Variants in STAG3 observed in about 807,000 individuals in gnomAD.
STAG3 encodes the protein STAG3 cohesin complex component.
STAG3 carries 101 observed loss-of-function variants against 160.7 expected under a neutral mutation model. The observed-to-expected ratio is 0.63, with a 90% CI of 0.54 to 0.74. STAG3 has a LOEUF of 0.74. Ranked by LOEUF, STAG3 falls within the 30% of genes least tolerant of loss-of-function variation. STAG3 has a pLI of 0.00. For missense variants in STAG3, 1,188 were observed against 1,517.4 expected (o/e 0.78, Z 3.61); for synonymous variants, 519 against 585.0 (o/e 0.89, Z 1.63).
downstream of STAG3, among the ~76,000 whole-genome samples, chr7:100,216,165 C>T (rs1399658443): frequency 6.6e-6 from 1 of 152,154 alleles, no homozygotes; most frequent in Non-Finnish European, 1.5e-5. Flanking sequence ...TTTCCAAATT[C>T]CTGATCGTGG....
intron 5 of STAG3, 117 bp from the exon 6 acceptor site, chr7:100,188,336 C>T (rs1355757185): frequency 1.3e-6 from 1 of 797,948 alleles, no homozygotes; most frequent in Non-Finnish European, 2.3e-6. Flanking sequence ...GGGGTCTTCT[C>T]ATTCCCCACC....
intron 25 of STAG3, among the ~76,000 whole-genome samples, chr7:100,203,343 G>A (rs890571027): frequency 6.6e-5 from 10 of 151,568 alleles, no homozygotes; most frequent in Admixed American, 3.3e-4. Flanking sequence ...GCGCTGCCAC[G>A]CCCAGCTAAT....
chr7:100,210,761 C>G (rs1435679438), intron 29 of STAG3, among the ~76,000 whole-genome samples: 2 of 152,158 alleles, frequency 1.3e-5, no homozygotes, highest in African/African-American at 2.4e-5. Flanking sequence ...ATCTTGTTTT[C>G]TAGGCTGTGT....
At chr7:100,213,847 T>G in intron 33 of STAG3, 41 bp downstream of exon 33, 1 of 1,614,120 alleles carries the variant, frequency 6.2e-7, no homozygotes, top group Non-Finnish European at 8.5e-7. Flanking sequence ...CCTTCGGAAA[T>G]GCTGGCAGGC....
chr7:100,216,379 A>C (rs1195270136), downstream of STAG3, among the ~76,000 whole-genome samples: 1 of 152,218 alleles, frequency 6.6e-6, no homozygotes, highest in Non-Finnish European at 1.5e-5. Flanking sequence ...AGTTGACGAA[A>C]TAAGTGTTTT....
At chr7:100,194,122 T>C (rs576796361) in intron 8 of STAG3, among the ~76,000 whole-genome samples, 1 of 152,004 alleles carries the variant, frequency 6.6e-6, no homozygotes, top group Admixed American at 6.6e-5. Context: ...TAATTTTCTG[T>C]TTTTAGTAGA....
intron 4 of STAG3, among the ~76,000 whole-genome samples, chr7:100,184,265 CAA>C (rs1045041428): frequency 1.1e-4 from 13 of 117,226 alleles, no homozygotes; most frequent in Non-Finnish European, 1.1e-4. Context: ...GACTCTGTCT[CAA>C]AAAAAAAAAA....
intron 8 of STAG3, 115 bp from the exon 9 acceptor site, chr7:100,195,194 C>G (rs537581631): frequency 2.2e-6 from 2 of 894,528 alleles, no homozygotes; most frequent in Non-Finnish European, 3.7e-6. Flanking sequence ...TACGGGGGTT[C>G]ACACTATCCT....
chr7:100,211,395 C>G (rs779240378), intron 30 of STAG3, 40 bp from the exon 31 acceptor site: 4 of 1,603,716 alleles, frequency 2.5e-6, no homozygotes, highest in Non-Finnish European at 3.4e-6. Flanking sequence ...TCTTCTTACC[C>G]TTGATTTTTA....
chr7:100,215,465 C>A (rs1468536955), downstream of STAG3, among the ~76,000 whole-genome samples: 1 of 152,042 alleles, frequency 6.6e-6, no homozygotes, highest in Admixed American at 6.6e-5. Flanking sequence ...ATTGAGCGAT[C>A]TTTCGCCTGT....
chr7:100,202,720 A>G (rs1358144368), intron 25 of STAG3, 130 bp downstream of exon 25: 11 of 1,177,152 alleles, frequency 9.3e-6, no homozygotes, highest in Non-Finnish European at 1.2e-5. Flanking sequence ...TAGGAGGGAA[A>G]GGCACTGGGA....
chr7:100,188,653 G>A, intron 6 of STAG3, 124 bp downstream of exon 6: 2 of 1,108,512 alleles, frequency 1.8e-6, no homozygotes, highest in Non-Finnish European at 2.7e-6. Context: ...TCTCTTGGGG[G>A]TAAAAGAGAT....
intron 2 of STAG3, among the ~76,000 whole-genome samples, chr7:100,181,132 C>T (rs10229068): frequency 1.3e-5 from 2 of 152,088 alleles, no homozygotes; most frequent in Non-Finnish European, 2.9e-5. Context: ...ATTGTATATA[C>T]TTTTTGGCTA....
At chr7:100,206,481 T>G (rs1727124) in intron 29 of STAG3, among the ~76,000 whole-genome samples, 104,647 of 151,522 alleles carry the variant, frequency 0.69, 36,781 homozygotes, top group Middle Eastern at 0.85. Context: ...AAATCATTTT[T>G]TTTTTTTTGA....
rs1250042400 is a variant in STAG3 at position 100,212,202 on chromosome 7, G to C, written c.3600+326G>C. 5 of 234,356 alleles carry C rather than the reference G, an allele frequency of 2.1e-5. No homozygotes were observed. In the Admixed American group the frequency reaches 2.6e-4, roughly 12 times the overall value. 14.5% of individuals were successfully genotyped at this position (234,356 alleles called of 1,614,324 possible). ...GGAGGTGGGAGGTCATTCAGTCCAA[G>C]TGGCAGCCCCTTCAGTGTCTCTCCC... is the stretch of plus-strand genomic sequence containing the variant. On this transcript the variant is annotated intron_variant, in intron 32 of 33. Transcript: ENST00000615138.
In STAG3 at chr7:100,205,229, T is replaced by C; in HGVS notation, c.3083T>C (p.Leu1028Pro). The part of the protein sequence containing the change: ...RLFHQDKQLL[L>P]SYLEKCLQHV... ...TTTTGGTTCTACCTCTTTCATAGAC[T>C]GTCCTATCTAGAAAAGTGCCTGCAG... The change falls in exon 29 of 34, where the codon CTG (leucine) becomes CCG (proline). Residue 1028 changes from leucine (L) to proline (P), a missense_variant and splice_region_variant. Leu to Pro is a moderately conservative substitution (Grantham distance 98). This residue lies in a region of STAG3 where 647 missense variants were observed against 717.2 expected (regional missense o/e 0.90). Transcript: ENST00000615138. The C allele has an allele frequency of 4.3e-6, 7 of 1,613,930 alleles. No homozygotes were observed. The highest frequency in any genetic ancestry group is 5.1e-6 in the Non-Finnish European group (6 of 1,179,894).
At chr7:100,195,456 C>T (rs1414061231) in intron 9 of STAG3, 74 bp downstream of exon 9, 10 of 1,400,976 alleles carry the variant, frequency 7.1e-6, no homozygotes, top group African/African-American at 1.4e-5. Context: ...ATAAGGTTTT[C>T]CCCCCTCCAA....
intron 30 of STAG3, 79 bp downstream of exon 30, chr7:100,211,264 A>G: frequency 6.6e-7 from 1 of 1,514,510 alleles, no homozygotes; most frequent in Non-Finnish European, 8.9e-7. Flanking sequence ...TTTCTGTTTC[A>G]TGGTTCCCTG....
rs1340566623 is a variant in STAG3, at chr7:100,182,194, T to G, written c.219+2T>G. 5.6e-6 allele frequency: 9 copies of G among 1,598,376 alleles called. No individual in the cohort carries two copies. Among genetic ancestry groups the G allele is most frequent in the South Asian group, 1.1e-5 (1 of 90,324 alleles). ...AAACGACCACCGAAAACAACACCGGTGAGTCAGCCAGTTTTCTTTTGTTTT... is the reference window on the plus strand; with the variant it reads ...AAACGACCACCGAAAACAACACCGGGGAGTCAGCCAGTTTTCTTTTGTTTT... On this transcript the variant is annotated splice_donor_variant, in intron 3 of 33. Coordinates refer to ENST00000615138, the MANE Select transcript of STAG3 (RefSeq NM_001282717.2). LOFTEE classifies it high-confidence loss of function.
Sources: allele counts gnomAD v4.1 joint callset (sites outside exome capture counted in the v4.1 genomes callset), GRCh38; gene constraint gnomAD v4.1.1; regional missense constraint gnomAD v4.1.1; transcripts MANE v1.5; gene names NCBI Gene and HGNC (gene_info 2026-07-23, HGNC 2026-07-21).